The following OXNAD1 variants were observed in gnomAD, a reference collection of about 807,000 sequenced individuals.
OXNAD1 encodes the protein oxidoreductase NAD binding domain containing 1.
OXNAD1 carries 34 observed loss-of-function variants against 32.9 expected under a neutral mutation model. That is an observed-to-expected ratio of 1.03 (90% CI 0.79 to 1.38). OXNAD1 has a LOEUF of 1.38. Ranked by LOEUF, OXNAD1 falls within the 40% of genes most tolerant of loss-of-function variation. The probability of loss-of-function intolerance (pLI) is 0.00; values close to 1 mark genes in which losing one functional copy is unlikely to be tolerated. For synonymous variants in OXNAD1, 134 were observed against 135.2 expected (o/e 0.99, Z 0.06); for missense variants, 407 against 379.4 (o/e 1.07, Z -0.60).
In OXNAD1 at chr3:16,301,637, C is replaced by T. The variant is rs775204026; in HGVS notation, c.444C>T (p.Asp148=). 3.1e-6 allele frequency: 5 copies of T among 1,613,948 alleles called. No homozygotes were observed. The highest frequency in any genetic ancestry group is 4.2e-6 in the Non-Finnish European group (5 of 1,179,924). ...CTTTCCTGCCTTAGTGTACACTTGA[C>T]TGTGAAGTGGCTGTGAGAGTGGGTG... ...ALWVHNTCTL[D]CEVAVRVGGE... is the part of the protein sequence containing the mutation. Residue 148 remains aspartate, a synonymous_variant, in exon 7 of 9, where the codon GAC becomes GAT. Coordinates refer to ENST00000285083, the MANE Select transcript of OXNAD1 (RefSeq NM_138381.5). The surrounding 1 kb of genome is among the most constrained non-coding windows in gnomAD (Gnocchi z 4.1).
At chr3:16,350,762 A>G (rs1253437355), downstream of OXNAD1, among the ~76,000 whole-genome samples, 2 of 152,162 alleles carry the variant, frequency 1.3e-5, no homozygotes, top group African/African-American at 4.8e-5. Flanking sequence ...TCACAGGAAA[A>G]TCATCCCTAT....
downstream of OXNAD1, among the ~76,000 whole-genome samples, chr3:16,307,529 T>C (rs1010336929): frequency 6.6e-6 from 1 of 152,142 alleles, no homozygotes; most frequent in Non-Finnish European, 1.5e-5. Context: ...GGTCCAGTCA[T>C]TGGTGATCTT....
chr3:16,330,451 G>A (rs1230775730), intron 9 of OXNAD1, among the ~76,000 whole-genome samples: 2 of 152,204 alleles, frequency 1.3e-5, no homozygotes, highest in Non-Finnish European at 2.9e-5. Flanking sequence ...AAACATATCC[G>A]GATGGAAGGC....
In OXNAD1 at chr3:16,269,207, G is replaced by A. The variant is rs1326210911; in HGVS notation, c.-77G>A. 2 of 1,533,470 alleles carry A rather than the reference G, an allele frequency of 1.3e-6. No homozygotes were observed. Among genetic ancestry groups the A allele is most frequent in the African/African-American group, 1.4e-5 (1 of 72,926 alleles). 95.0% of individuals were successfully genotyped at this position (1,533,470 alleles called of 1,614,324 possible). A position where few individuals can be genotyped will look rare whatever the true frequency, so the allele number is the denominator to read the frequency against. On this transcript the variant is annotated 5_prime_UTR_variant, in exon 2 of 9. Coordinates refer to ENST00000285083, the MANE Select transcript of OXNAD1 (RefSeq NM_138381.5). ...ATCCAAAAGTCTCAGTGTAATAGCAGGACCAAAATATTCTGTCAATCAGCT... is the reference window on the plus strand; with the variant it reads ...ATCCAAAAGTCTCAGTGTAATAGCAAGACCAAAATATTCTGTCAATCAGCT...
intron 1 of OXNAD1, among the ~76,000 whole-genome samples, chr3:16,267,001 A>T (rs1185117639): frequency 2.0e-5 from 3 of 152,254 alleles, no homozygotes; most frequent in Non-Finnish European, 4.4e-5. Flanking sequence ...TTGGAGCAAG[A>T]GGAGCCCTTT....
chr3:16,294,976 T>G lies in OXNAD1; in HGVS notation c.411T>G (p.Pro137=), dbSNP rs1474489610. 1 of 1,613,010 alleles carries G rather than the reference T, an allele frequency of 6.2e-7. No individual in the cohort carries two copies. Among genetic ancestry groups the G allele is most frequent in the South Asian group, 1.1e-5 (1 of 90,934 alleles). ...ELAVKYTNHP[P]ALWVHNTCTL... The stretch of plus-strand genomic sequence containing the variant: ...CAGTGAAATATACGAACCACCCTCC[T>G]GCCCTCTGGGTTCACAATACGGTAA... The change falls in exon 6 of 9, where the codon CCT becomes CCG. Residue 137 remains proline, a synonymous_variant. Coordinates refer to ENST00000285083, the MANE Select transcript of OXNAD1 (RefSeq NM_138381.5).
At position 16,271,267 on chromosome 3, in the gene OXNAD1, G is replaced by A. The variant is rs2064917872; in HGVS notation, c.119+196G>A. On this transcript the variant is annotated intron_variant, in intron 3 of 8. Coordinates refer to ENST00000285083, the MANE Select transcript of OXNAD1 (RefSeq NM_138381.5). The surrounding 1 kb of genome is among the most constrained non-coding windows in gnomAD (Gnocchi z 4.6). ...CGCCTGGGCTGGAGTGCAGTGGCAC[G>A]ATCTTAGCTCACTGCAACCTCCACC... is the stretch of plus-strand genomic sequence containing the variant. The A allele has an allele frequency of 3.1e-6, 2 of 639,382 alleles. No homozygotes were observed. The highest frequency in any genetic ancestry group is 5.3e-6 in the Non-Finnish European group (2 of 377,924). The allele number at this position is 639,382 out of a possible 1,614,324, so 39.6% of individuals were successfully genotyped here.
rs960676135 is a variant in OXNAD1, at chr3:16,316,582, T to C, written c.*30+12990T>C. The C allele has an allele frequency of 2.3e-5, 13 of 553,824 alleles. No individual in the cohort carries two copies. Among genetic ancestry groups the C allele is most frequent in the Non-Finnish European group, 3.9e-5 (12 of 310,272 alleles). The allele number at this position is 553,824 out of a possible 1,614,324, so 34.3% of individuals were successfully genotyped here. On this transcript the variant is annotated intron_variant, in intron 9 of 9. Transcript: ENST00000435829. This position sits in a 1 kb window ranked among gnomAD's most constrained non-coding sequence, Gnocchi z 4.5. The stretch of plus-strand genomic sequence containing the variant: ...GGACTGGGCCTTCAGCCATGAGGGC[T>C]AGAATAACCTGACCTCTTGCATTCT...
Position 16,317,251 on chromosome 3 carries a change from G to A in OXNAD1, c.*30+13659G>A, listed in dbSNP as rs778137832. On this transcript the variant is annotated intron_variant, in intron 9 of 9. Coordinates refer to the OXNAD1 transcript ENST00000435829. This position sits in a 1 kb window ranked among gnomAD's most constrained non-coding sequence, Gnocchi z 4.3. ...ACTGAAACTAGAAATCAGAAAGGAT[G>A]GGGATAAATAACAAGCCTCCGGGAA... 6 of 1,608,498 alleles carry A rather than the reference G, an allele frequency of 3.7e-6. No individual in the cohort carries two copies. In the African/African-American group the frequency reaches 8.0e-5, roughly 22 times the overall value.
chr3:16,345,788 C>CTGTGTGTGTGTGTGTGTGTGTG lies in OXNAD1; in HGVS notation c.*31-3379_*31-3358dup, dbSNP rs370820242. Among the ~76,000 whole-genome samples the CTGTGTGTGTGTGTGTGTGTGTG allele has an allele frequency of 1.2e-3, 158 of 127,222 alleles. 2 individuals are homozygous for CTGTGTGTGTGTGTGTGTGTGTG. Among genetic ancestry groups the CTGTGTGTGTGTGTGTGTGTGTG allele is most frequent in the East Asian group, 2.2e-3 (10 of 4,528 alleles). 83.5% of individuals were successfully genotyped at this position (127,222 alleles called of 152,430 possible). On this transcript the variant is annotated intron_variant, in intron 9 of 9. Transcript: ENST00000606098. This position sits in a 1 kb window ranked among gnomAD's most constrained non-coding sequence, Gnocchi z 5.2. ...TGAGCCAAAACCTTATAATAAATCTCTGTGTGTGTGTGTGTGTGTGTGTGT... is the reference window on the plus strand; with the variant it reads ...TGAGCCAAAACCTTATAATAAATCTCTGTGTGTGTGTGTGTGTGTGTGTGTGTGTGTGTGTGTGTGTGTGTGT...
chr3:16,267,050 T>C (rs1030257726), intron 1 of OXNAD1, among the ~76,000 whole-genome samples: 12 of 152,252 alleles, frequency 7.9e-5, no homozygotes, highest in Non-Finnish European at 1.5e-4. Context: ...AATTGACAGA[T>C]GTCATGATTG....
At chr3:16,330,592 C>G (rs933811923) in intron 9 of OXNAD1, among the ~76,000 whole-genome samples, 2 of 152,216 alleles carry the variant, frequency 1.3e-5, no homozygotes, top group African/African-American at 4.8e-5. Context: ...TTTTAATTAA[C>G]TCTCCACTCT....
chr3:16,324,105 G>GGT (rs763823674), intron 9 of OXNAD1, among the ~76,000 whole-genome samples: 14 of 93,732 alleles, frequency 1.5e-4, no homozygotes, highest in South Asian at 1.1e-3. Context: ...GAAGATCACT[G>GGT]TTTTTTTTTT....
At chr3:16,278,472 G>A (rs1011651766) in intron 4 of OXNAD1, among the ~76,000 whole-genome samples, 1 of 152,196 alleles carries the variant, frequency 6.6e-6, no homozygotes, top group African/African-American at 2.4e-5. Context: ...CAAAGATTTA[G>A]GTAGGATGAC....
chr3:16,268,912 G>C (rs139572085), intron 1 of OXNAD1, among the ~76,000 whole-genome samples: 174 of 152,210 alleles, frequency 1.1e-3, no homozygotes, highest in African/African-American at 4.0e-3. Flanking sequence ...AGACAGGCAA[G>C]GAAGATGAAC....
In OXNAD1 at chr3:16,317,999, A is replaced by T. The variant is rs2068611031; in HGVS notation, c.*30+14407A>T. Among the ~76,000 whole-genome samples the T allele has an allele frequency of 6.6e-6, 1 of 152,174 alleles. No homozygotes were observed. Among genetic ancestry groups the T allele is most frequent in the Non-Finnish European group, 1.5e-5 (1 of 68,022 alleles). ...CAAGTGTTCTAAGGTAACTCCCTCTAAAAACTTCCAATCTCAGAGGCCGCT... is the reference window on the plus strand; with the variant it reads ...CAAGTGTTCTAAGGTAACTCCCTCTTAAAACTTCCAATCTCAGAGGCCGCT... On this transcript the variant is annotated intron_variant, in intron 9 of 9. Coordinates refer to the OXNAD1 transcript ENST00000435829. This position sits in a 1 kb window ranked among gnomAD's most constrained non-coding sequence, Gnocchi z 4.3.
intron 1 of OXNAD1, among the ~76,000 whole-genome samples, chr3:16,267,441 C>T (rs748897930): frequency 6.6e-6 from 1 of 152,164 alleles, no homozygotes; most frequent in Non-Finnish European, 1.5e-5. Flanking sequence ...TGGACTTCAT[C>T]TCATTTCACT....
downstream of OXNAD1, among the ~76,000 whole-genome samples, chr3:16,351,451 A>G (rs956286333): frequency 1.1e-4 from 16 of 152,244 alleles, no homozygotes; most frequent in African/African-American, 3.6e-4. This position sits in a 1 kb window ranked among gnomAD's most constrained non-coding sequence, Gnocchi z 5.4. Context: ...TTAACTCAAC[A>G]AAAGATTGAA....
rs1489157155 is a variant in OXNAD1 at position 16,345,834 on chromosome 3, GCA to G, written c.*31-3340_*31-3339del. Among the ~76,000 whole-genome samples the G allele has an allele frequency of 0.15, 9,495 of 64,232 alleles. 369 individuals are homozygous for G. Among genetic ancestry groups the G allele is most frequent in the Middle Eastern group, 0.26 (32 of 122 alleles). The allele number at this position is 64,232 out of a possible 152,430, so 42.1% of individuals were successfully genotyped here. ...TGTGTGTGTGCGCGCGCGCGTGCGC[GCA>G]CGCGCACATGTGCATGTGTATGTGT... On this transcript the variant is annotated intron_variant, in intron 9 of 9. Transcript: ENST00000606098. The surrounding 1 kb of genome is among the most constrained non-coding windows in gnomAD (Gnocchi z 5.2).
Sources: allele counts gnomAD v4.1 joint callset (sites outside exome capture counted in the v4.1 genomes callset), GRCh38; gene constraint gnomAD v4.1.1; non-coding constraint Gnocchi (gnomAD v3.1); transcripts MANE v1.5; gene names NCBI Gene and HGNC (gene_info 2026-07-23, HGNC 2026-07-21).